PDE8A: variants seen among roughly 807,000 people sequenced by gnomAD.
PDE8A encodes phosphodiesterase 8A.
In PDE8A, 59 loss-of-function variants were observed where a neutral mutation model predicts 105.0. The ratio of observed to expected loss-of-function variants is 0.56; its 90% CI spans 0.46 to 0.70. PDE8A has a LOEUF of 0.70. PDE8A is among the 30% of genes least tolerant of loss of function. The pLI is 0.00. For missense variants in PDE8A, 1,014 were observed against 1,045.9 expected (o/e 0.97, Z 0.42); for synonymous variants, 355 against 371.9 (o/e 0.95, Z 0.52).
chr15:85,131,612 AT>A (rs923437620), intron 20 of PDE8A, among the ~76,000 whole-genome samples: 1 of 152,232 alleles, frequency 6.6e-6, no homozygotes, highest in Non-Finnish European at 1.5e-5. Flanking sequence ...ATTTAAAATT[AT>A]TTTTATGCAT....
chr15:85,078,548 C>CAAAAAAAAAAAAAAAAA (rs72174562), intron 5 of PDE8A, among the ~76,000 whole-genome samples: 8 of 94,336 alleles, frequency 8.5e-5, no homozygotes, highest in Admixed American at 2.9e-4. Context: ...TACTCCATCT[C>CAAAAAAAAAAAAAAAAA]AAAAAAAAAA....
intron 3 of PDE8A, among the ~76,000 whole-genome samples, chr15:85,070,824 T>C (rs2081300044): frequency 6.6e-6 from 1 of 152,042 alleles, no homozygotes; most frequent in Non-Finnish European, 1.5e-5. Flanking sequence ...TTGAGCAGGA[T>C]AGAAAAATAA....
At chr15:85,050,166 T>C (rs113508545) in intron 1 of PDE8A, among the ~76,000 whole-genome samples, 2 of 152,174 alleles carry the variant, frequency 1.3e-5, no homozygotes, top group African/African-American at 4.8e-5. Context: ...CATTTTTGAA[T>C]TGGGTTGTTG....
At chr15:84,987,933 C>G (rs893415756) in intron 1 of PDE8A, among the ~76,000 whole-genome samples, 1 of 152,164 alleles carries the variant, frequency 6.6e-6, no homozygotes, top group East Asian at 1.9e-4. Flanking sequence ...CTCAGTCTTA[C>G]CCAAGCTTAG....
chr15:85,040,180 C>T lies in PDE8A; in HGVS notation c.187-24190C>T, dbSNP rs550626953. 2.0e-4 allele frequency among the ~76,000 whole-genome samples: 30 copies of T among 151,852 alleles called. No individual in the cohort carries two copies. The South Asian group carries it at 2.1e-3, about 11-fold the overall frequency. On this transcript the variant is annotated intron_variant, in intron 1 of 21. Transcript: ENST00000394553. ...AAAAGAAGCTGAGTGTGATGGTGTG[C>T]GCCTATAGTCCTAGCTACTTGGGAG...
chr15:85,019,365 A>G (rs2080381468), intron 1 of PDE8A, among the ~76,000 whole-genome samples: 1 of 152,194 alleles, frequency 6.6e-6, no homozygotes, highest in Non-Finnish European at 1.5e-5. Flanking sequence ...CAAATGTATC[A>G]ACATTTAAAA....
At chr15:85,058,261 C>CT (rs1206334929) in intron 1 of PDE8A, among the ~76,000 whole-genome samples, 1 of 151,970 alleles carries the variant, frequency 6.6e-6, no homozygotes. Context: ...TTCTTCTTCT[C>CT]TTTTTTATAG....
chr15:85,131,300 A>T (rs529546025), intron 20 of PDE8A, among the ~76,000 whole-genome samples: 7 of 152,212 alleles, frequency 4.6e-5, no homozygotes, highest in African/African-American at 1.7e-4. Context: ...TGATAGGGAA[A>T]GACTTTTGCC....
intron 9 of PDE8A, among the ~76,000 whole-genome samples, chr15:85,098,349 C>CTA (rs1773605725): frequency 6.6e-6 from 1 of 152,140 alleles, no homozygotes; most frequent in Non-Finnish European, 1.5e-5. Context: ...GGTAGACTCC[C>CTA]TATATTGAAA....
At chr15:85,076,900 G>A in intron 5 of PDE8A, 113 bp downstream of exon 5, 2 of 747,590 alleles carry the variant, frequency 2.7e-6, no homozygotes, top group African/African-American at 1.7e-5. Flanking sequence ...AAATTGTCTG[G>A]CCAGGCGTGG....
At chr15:85,007,654 C>T (rs2141324921) in intron 1 of PDE8A, among the ~76,000 whole-genome samples, 1 of 151,976 alleles carries the variant, frequency 6.6e-6, no homozygotes, top group Admixed American at 6.6e-5. Context: ...CCTGTTTGTG[C>T]CTCAGATTTC....
chr15:84,988,443 A>G (rs1179564636), intron 1 of PDE8A, among the ~76,000 whole-genome samples: 2 of 152,246 alleles, frequency 1.3e-5, no homozygotes, highest in Non-Finnish European at 2.9e-5. Flanking sequence ...AGTCATCTTC[A>G]GCCCTGTGCC....
At chr15:85,009,090 T>TAAGA (rs1555465218) in intron 1 of PDE8A, among the ~76,000 whole-genome samples, 10 of 147,826 alleles carry the variant, frequency 6.8e-5, no homozygotes, top group African/African-American at 2.0e-4. Context: ...TGTTAGTGTG[T>TAAGA]GAGAGAGAGA....
In PDE8A at chr15:84,986,981, T is replaced by A. The variant is rs574790574; in HGVS notation, c.186+4633T>A. ...TCTCTTTGTGTGTGACCTGACTGAT[T>A]TTTTTCCTCCAGTAGGGGTCTTTGA... is the stretch of plus-strand genomic sequence containing the variant. On this transcript the variant is annotated intron_variant, in intron 1 of 21. Coordinates refer to ENST00000394553, the MANE Select transcript of PDE8A (RefSeq NM_002605.3). Among the ~76,000 whole-genome samples, 4 of 152,290 alleles carry A rather than the reference T, an allele frequency of 2.6e-5. No homozygotes were observed. The East Asian group carries it at 7.7e-4, about 29-fold the overall frequency.
At chr15:85,123,651 C>T (rs1222267927) in intron 19 of PDE8A, among the ~76,000 whole-genome samples, 1 of 152,098 alleles carries the variant, frequency 6.6e-6, no homozygotes, top group Non-Finnish European at 1.5e-5. Flanking sequence ...ATCTGCCTTC[C>T]CCAGCCCACT....
chr15:85,074,637 A>G (rs1030936014), intron 3 of PDE8A, among the ~76,000 whole-genome samples: 2 of 152,238 alleles, frequency 1.3e-5, no homozygotes, highest in Admixed American at 1.3e-4. Flanking sequence ...TGATTGCACC[A>G]CTGTACTCCA....
intron 9 of PDE8A, chr15:85,099,638 C>T (rs1398698753): frequency 3.4e-5 from 7 of 207,526 alleles, no homozygotes; most frequent in Non-Finnish European, 3.9e-5. Flanking sequence ...CACCAGTGAC[C>T]GTGAGCAGAT....
intron 3 of PDE8A, among the ~76,000 whole-genome samples, chr15:85,069,097 A>G (rs1257578347): frequency 6.6e-6 from 1 of 152,222 alleles, no homozygotes; most frequent in African/African-American, 2.4e-5. Context: ...GAGCTGAAAT[A>G]TTTCAATGAA....
rs917060895 is a variant in PDE8A, at chr15:85,019,007, A to G, written c.186+36659A>G. Among the ~76,000 whole-genome samples the G allele has an allele frequency of 9.9e-5, 15 of 152,166 alleles. 1 individual carries two copies. The highest frequency in any genetic ancestry group is 3.4e-4 in the African/African-American group (14 of 41,442). On this transcript the variant is annotated intron_variant, in intron 1 of 21. Coordinates refer to ENST00000394553, the MANE Select transcript of PDE8A (RefSeq NM_002605.3). The stretch of plus-strand genomic sequence containing the variant: ...TCATGTAGAAATTGTCCTTTTTTAT[A>G]GACTCTCCTAGCAGTATAGTTACTT...
Sources: allele counts gnomAD v4.1 joint callset (sites outside exome capture counted in the v4.1 genomes callset), GRCh38; gene constraint gnomAD v4.1.1; transcripts MANE v1.5; gene names NCBI Gene and HGNC (gene_info 2026-07-23, HGNC 2026-07-21).